The following PDGFD variants were observed in gnomAD, a reference collection of about 807,000 sequenced individuals.
PDGFD encodes platelet derived growth factor D.
PDGFD carries 30 observed loss-of-function variants against 44.7 expected under a neutral mutation model. That is an observed-to-expected ratio of 0.67 (90% CI 0.50 to 0.91). The LOEUF is 0.91. Among genes scored for constraint, PDGFD ranks in the 40% least tolerant of loss-of-function variants. The pLI is 0.00. For missense variants in PDGFD, 445 were observed against 457.8 expected (o/e 0.97, Z 0.25); for synonymous variants, 173 against 168.4 (o/e 1.03, Z -0.21).
chr11:103,912,081 C>T (rs1858037086), intron 6 of PDGFD, among the ~76,000 whole-genome samples: 1 of 152,048 alleles, frequency 6.6e-6, no homozygotes, highest in Non-Finnish European at 1.5e-5. Flanking sequence ...GGAGAATTTC[C>T]CCATCTATCA....
chr11:103,980,699 C>T (rs1390997942), intron 3 of PDGFD, among the ~76,000 whole-genome samples: 4 of 152,074 alleles, frequency 2.6e-5, no homozygotes, highest in East Asian at 1.9e-4. Context: ...AATTTAAATG[C>T]CCAATATCAC....
At chr11:104,110,455 C>A (rs577623764) in intron 1 of PDGFD, among the ~76,000 whole-genome samples, 1 of 150,930 alleles carries the variant, frequency 6.6e-6, no homozygotes, top group East Asian at 1.9e-4. Context: ...TTTCTTAATA[C>A]TATTTTATAT....
At chr11:104,151,098 T>C (rs1348373417) in intron 1 of PDGFD, among the ~76,000 whole-genome samples, 4 of 152,178 alleles carry the variant, frequency 2.6e-5, no homozygotes, top group Non-Finnish European at 5.9e-5. Context: ...ACACCCATCA[T>C]TGATTACTGT....
chr11:103,997,588 G>A (rs565761129), intron 2 of PDGFD, among the ~76,000 whole-genome samples: 157 of 152,204 alleles, frequency 1.0e-3, no homozygotes, highest in Non-Finnish European at 1.8e-3. Flanking sequence ...TTTATATGGT[G>A]CTTGGAAGGT....
intron 1 of PDGFD, among the ~76,000 whole-genome samples, chr11:104,119,919 T>A (rs900577617): frequency 1.5e-5 from 2 of 136,002 alleles, no homozygotes; most frequent in Non-Finnish European, 3.1e-5. Flanking sequence ...GCAATTATTA[T>A]ATATTATATA....
chr11:103,914,212 G>A (rs1462401996), intron 6 of PDGFD, among the ~76,000 whole-genome samples: 1 of 152,180 alleles, frequency 6.6e-6, no homozygotes, highest in East Asian at 1.9e-4. Flanking sequence ...AGGAGCCAGT[G>A]CCAGGGAGTG....
At chr11:103,925,141 T>C (rs1009003832) in intron 6 of PDGFD, among the ~76,000 whole-genome samples, 2 of 152,198 alleles carry the variant, frequency 1.3e-5, no homozygotes, top group African/African-American at 4.8e-5. Context: ...AACTCATCCT[T>C]TTTTAAGGCT....
Position 103,953,375 on chromosome 11 carries a change from C to T in PDGFD, c.511-5651G>A, listed in dbSNP as rs116120630. Among the ~76,000 whole-genome samples, 1,008 of 151,922 alleles carry T rather than the reference C, an allele frequency of 6.6e-3. 10 individuals are homozygous for T. The highest frequency in any genetic ancestry group is 0.023 in the African/African-American group (972 of 41,426). On this transcript the variant is annotated intron_variant, in intron 3 of 6. Transcript: ENST00000393158. ...ATACAAGAGTATGTTCCATATCATA[C>T]AATATTGCTAGAAAAAAATGTACAG...
intron 3 of PDGFD, among the ~76,000 whole-genome samples, chr11:103,986,755 C>T (rs909594892): frequency 1.3e-4 from 20 of 152,172 alleles, no homozygotes; most frequent in Admixed American, 1.1e-3. Context: ...ACTAAACTGT[C>T]TTTACAGGAC....
chr11:104,088,989 C>T lies in PDGFD; in HGVS notation c.124+74815G>A, dbSNP rs79517695. Among the ~76,000 whole-genome samples the T allele has an allele frequency of 3.4e-4, 52 of 151,802 alleles. No individual in the cohort carries two copies. The East Asian group carries it at 0.01, about 29-fold the overall frequency. On this transcript the variant is annotated intron_variant, in intron 1 of 6. Transcript: ENST00000393158. ...AAACAAAAGAATTATACTGCTTTCACCTTTAAGGACTTCCAAAAGCTAAAG... is the reference window on the plus strand; with the variant it reads ...AAACAAAAGAATTATACTGCTTTCATCTTTAAGGACTTCCAAAAGCTAAAG...
chr11:103,958,849 G>A (rs1290698251), intron 3 of PDGFD, among the ~76,000 whole-genome samples: 1 of 152,118 alleles, frequency 6.6e-6, no homozygotes, highest in Non-Finnish European at 1.5e-5. Context: ...CAAACAGTAT[G>A]AAGATTAAGG....
intron 3 of PDGFD, among the ~76,000 whole-genome samples, chr11:103,968,500 C>T (rs1308762258): frequency 1.3e-5 from 2 of 152,088 alleles, no homozygotes; most frequent in Non-Finnish European, 2.9e-5. Context: ...CTCTCTTCAC[C>T]GAATTGTGCA....
intron 3 of PDGFD, among the ~76,000 whole-genome samples, chr11:103,994,066 C>T (rs1859498525): frequency 1.3e-5 from 2 of 152,132 alleles, no homozygotes; most frequent in South Asian, 2.1e-4. Context: ...TGAGACTGCA[C>T]CATAACCCAA....
chr11:104,007,626 G>C (rs1409706122), intron 1 of PDGFD, among the ~76,000 whole-genome samples: 2 of 152,288 alleles, frequency 1.3e-5, no homozygotes, highest in South Asian at 4.1e-4. Flanking sequence ...CCAATAGCAT[G>C]ACTGATAGTG....
intron 5 of PDGFD, among the ~76,000 whole-genome samples, chr11:103,942,481 C>A (rs1352989314): frequency 6.6e-6 from 1 of 151,936 alleles, no homozygotes; most frequent in African/African-American, 2.4e-5. Flanking sequence ...TCATGATGTT[C>A]TCTCTGCCTT....
chr11:103,987,436 T>C (rs1463560343), intron 3 of PDGFD, among the ~76,000 whole-genome samples: 2 of 152,132 alleles, frequency 1.3e-5, no homozygotes, highest in Non-Finnish European at 2.9e-5. Flanking sequence ...TTTATGACCA[T>C]TTGTAACCAG....
rs116191426 is a variant in PDGFD, at chr11:104,130,350, G to A, written c.124+33454C>T. 7.3e-3 allele frequency among the ~76,000 whole-genome samples: 1,109 copies of A among 152,264 alleles called. 7 individuals are homozygous for A. Among genetic ancestry groups the A allele is most frequent in the African/African-American group, 0.024 (994 of 41,558 alleles). On this transcript the variant is annotated intron_variant, in intron 1 of 6. Coordinates refer to ENST00000393158, the MANE Select transcript of PDGFD (RefSeq NM_025208.5). ...AAGAGCAGGGACATTGTAATGAGATGTTTGGTTCTCTAGGTGGTGATGTGC... is the reference window on the plus strand; with the variant it reads ...AAGAGCAGGGACATTGTAATGAGATATTTGGTTCTCTAGGTGGTGATGTGC...
intron 1 of PDGFD, among the ~76,000 whole-genome samples, chr11:104,140,215 A>T (rs1862065179): frequency 6.6e-6 from 1 of 152,218 alleles, no homozygotes; most frequent in African/African-American, 2.4e-5. Context: ...TATAGCACAA[A>T]ATTATAATGC....
rs1213045432 is a variant in PDGFD at position 104,132,987 on chromosome 11, A to G, written c.124+30817T>C. Among the ~76,000 whole-genome samples the G allele has an allele frequency of 2.0e-5, 3 of 152,178 alleles. No homozygotes were observed. The East Asian group carries it at 5.8e-4, about 29-fold the overall frequency. On this transcript the variant is annotated intron_variant, in intron 1 of 6. Transcript: ENST00000393158. ...TGTGTTTCTTGCTTACATAAAAATC[A>G]GAGACCCTCTTCATCATTTGAACTG... is the stretch of plus-strand genomic sequence containing the variant.
Sources: allele counts gnomAD v4.1 joint callset (sites outside exome capture counted in the v4.1 genomes callset), GRCh38; gene constraint gnomAD v4.1.1; transcripts MANE v1.5; gene names NCBI Gene and HGNC (gene_info 2026-07-23, HGNC 2026-07-21).